Variants in MTMR7 observed in about 807,000 individuals in gnomAD.
MTMR7 encodes the protein phosphatidylinositol-3-phosphate phosphatase MTMR7.
MTMR7 carries 76 observed loss-of-function variants against 81.2 expected under a neutral mutation model. The ratio of observed to expected loss-of-function variants is 0.94; its 90% CI spans 0.78 to 1.13. The LOEUF (loss-of-function observed/expected upper bound fraction) is 1.13. MTMR7 is among the 50% of genes most tolerant of loss of function. MTMR7 has a pLI of 0.00. For missense variants in MTMR7, 1,044 were observed against 820.0 expected, an observed-to-expected ratio of 1.27 and a Z score of -3.34; for synonymous variants, 372 against 289.8, an observed-to-expected ratio of 1.28 and a Z score of -2.88.
chr8:17,343,127 G>T (rs1294466698), intron 5 of MTMR7, among the ~76,000 whole-genome samples: 1 of 152,118 alleles, frequency 6.6e-6, no homozygotes, highest in Admixed American at 6.6e-5. Flanking sequence ...CTTTATCCGG[G>T]TTAAAGAAAT....
intron 7 of MTMR7, among the ~76,000 whole-genome samples, chr8:17,318,526 A>G (rs533827974): frequency 3.9e-4 from 60 of 152,180 alleles, no homozygotes; most frequent in Non-Finnish European, 6.2e-4. Flanking sequence ...AACATAACGG[A>G]TAGTGTTCCC....
chr8:17,404,017 C>T (rs180863218), intron 1 of MTMR7, among the ~76,000 whole-genome samples: 1 of 152,072 alleles, frequency 6.6e-6, no homozygotes. Flanking sequence ...CATCTGCAAA[C>T]AAGGATAATT....
chr8:17,346,961 G>A (rs13258055), intron 5 of MTMR7, among the ~76,000 whole-genome samples: 32,386 of 149,376 alleles, frequency 0.22, 4,930 homozygotes, highest in African/African-American at 0.43. Context: ...TTGGGAGGCC[G>A]AGGCAGGCAG....
rs950308041 is a variant in MTMR7 at position 17,297,698 on chromosome 8, T to A, written c.*2164A>T. ...CTGCTCTCAATAAAACACTTCCTGA[T>A]TAATGTTTGATTATTAGATATTTTA... On this transcript the variant is annotated 3_prime_UTR_variant, in exon 14 of 14. Transcript: ENST00000180173. The A allele has an allele frequency of 2.0e-5, 3 of 152,114 alleles. No homozygotes were observed. The highest frequency in any genetic ancestry group is 4.4e-5 in the Non-Finnish European group (3 of 67,944). The allele number at this position is 152,114 out of a possible 1,614,324, so 9.4% of individuals were successfully genotyped here.
At chr8:17,411,534 ATCCATCC>A (rs1821734145) in intron 1 of MTMR7, among the ~76,000 whole-genome samples, 1 of 152,198 alleles carries the variant, frequency 6.6e-6, no homozygotes, top group South Asian at 2.1e-4. Flanking sequence ...AATGAATCCG[ATCCATCC>A]AACCTCTGTA....
At position 17,399,781 on chromosome 8, in the gene MTMR7, G is replaced by C. The variant is rs1324809810; in HGVS notation, c.24+13488C>G. Reference sequence around the variant, plus strand: ...GCTTATGGCAGCATTATTCACAGTAGTCGAGATTTGGAAGCAAACTAAGTG... The same window carrying C: ...GCTTATGGCAGCATTATTCACAGTACTCGAGATTTGGAAGCAAACTAAGTG... On this transcript the variant is annotated intron_variant, in intron 1 of 13. Transcript: ENST00000180173. 2.6e-5 allele frequency among the ~76,000 whole-genome samples: 4 copies of C among 151,750 alleles called. No homozygotes were observed. In the East Asian group the frequency reaches 5.8e-4, roughly 22 times the overall value.
intron 1 of MTMR7, among the ~76,000 whole-genome samples, chr8:17,411,398 T>C (rs35509619): frequency 3.3e-5 from 5 of 152,170 alleles, no homozygotes; most frequent in African/African-American, 4.8e-5. Context: ...CATGTCTCTA[T>C]CATACACTGA....
chr8:17,389,376 C>T (rs1005072370), intron 1 of MTMR7, among the ~76,000 whole-genome samples: 1 of 152,170 alleles, frequency 6.6e-6, no homozygotes, highest in Non-Finnish European at 1.5e-5. Flanking sequence ...GCACAATGAA[C>T]AATGCTAGGC....
chr8:17,332,742 A>C (rs1819071680), intron 6 of MTMR7, among the ~76,000 whole-genome samples: 1 of 152,244 alleles, frequency 6.6e-6, no homozygotes, highest in Non-Finnish European at 1.5e-5. Context: ...TAGACTTGGC[A>C]TTGGCCCATG....
At chr8:17,340,321 A>C (rs1022099845) in intron 6 of MTMR7, among the ~76,000 whole-genome samples, 5 of 152,056 alleles carry the variant, frequency 3.3e-5, no homozygotes, top group African/African-American at 1.2e-4. Context: ...GACATCCTGG[A>C]CTCCTCTGCT....
chr8:17,388,556 C>G (rs1055738311), intron 1 of MTMR7, among the ~76,000 whole-genome samples: 2 of 152,194 alleles, frequency 1.3e-5, no homozygotes, highest in Non-Finnish European at 2.9e-5. Flanking sequence ...TTTCCTTTAA[C>G]GATATTTCTA....
At chr8:17,397,317 T>A (rs936828768) in intron 1 of MTMR7, among the ~76,000 whole-genome samples, 1 of 152,180 alleles carries the variant, frequency 6.6e-6, no homozygotes, top group Non-Finnish European at 1.5e-5. Flanking sequence ...TTTCTGGACC[T>A]GCCCTAGGCT....
At chr8:17,352,069 T>C (rs1379689462) in intron 4 of MTMR7, among the ~76,000 whole-genome samples, 1 of 152,174 alleles carries the variant, frequency 6.6e-6, no homozygotes, top group East Asian at 1.9e-4. Flanking sequence ...TCAAGGGCAT[T>C]TTGTGCAGAA....
At chr8:17,359,418 G>A (rs1306499395) in intron 4 of MTMR7, among the ~76,000 whole-genome samples, 2 of 151,762 alleles carry the variant, frequency 1.3e-5, no homozygotes, top group Admixed American at 6.6e-5. Context: ...AGCAACATGG[G>A]GAGAACTTAT....
Position 17,365,458 on chromosome 8 carries a change from C to G in MTMR7, c.311-4184G>C, listed in dbSNP as rs77896934. On this transcript the variant is annotated intron_variant, in intron 3 of 13. Transcript: ENST00000180173. ...TTTGCCCACTCTAGGAAGGTCATAT[C>G]CCTCACCTGATTTTCTACCCACTCT... is the stretch of plus-strand genomic sequence containing the variant. Among the ~76,000 whole-genome samples the G allele has an allele frequency of 5.2e-3, 786 of 152,256 alleles. 24 individuals carry two copies. The East Asian group carries it at 0.074, about 14-fold the overall frequency.
intron 7 of MTMR7, among the ~76,000 whole-genome samples, chr8:17,320,571 C>G (rs1818331088): frequency 6.6e-6 from 1 of 152,044 alleles, no homozygotes; most frequent in African/African-American, 2.4e-5. Flanking sequence ...AAGTAATGTA[C>G]CCAGGGTGCA....
intron 6 of MTMR7, among the ~76,000 whole-genome samples, 182 bp downstream of exon 6, chr8:17,341,181 C>T (rs1006123131): frequency 1.5e-4 from 23 of 152,208 alleles, no homozygotes; most frequent in Non-Finnish European, 2.1e-4. Flanking sequence ...TAGTTGGAGG[C>T]TTCAGGTGCA....
intron 1 of MTMR7, among the ~76,000 whole-genome samples, chr8:17,389,802 C>A (rs4921546): frequency 0.33 from 49,592 of 151,738 alleles, 8,433 homozygotes; most frequent in Non-Finnish European, 0.39. Context: ...AAAAGTAGGG[C>A]CATATAACTA....
chr8:17,338,536 G>T (rs570060042), intron 6 of MTMR7, among the ~76,000 whole-genome samples: 6 of 152,132 alleles, frequency 3.9e-5, no homozygotes, highest in Non-Finnish European at 7.3e-5. Context: ...TAAATCATCT[G>T]TAACTATTAG....
Sources: allele counts gnomAD v4.1 joint callset (sites outside exome capture counted in the v4.1 genomes callset), GRCh38; gene constraint gnomAD v4.1.1; transcripts MANE v1.5; gene names NCBI Gene and HGNC (gene_info 2026-07-23, HGNC 2026-07-21).